Variants in SPAST observed in about 807,000 individuals in gnomAD.
SPAST encodes spastic paraplegia 4 (autosomal dominant; spastin).
A neutral mutation model predicts 76.6 loss-of-function variants in SPAST; 30 were observed. The ratio of observed to expected loss-of-function variants is 0.39; its 90% CI spans 0.29 to 0.53. The LOEUF is 0.53. SPAST is among the 20% of genes least tolerant of loss of function. The probability of loss-of-function intolerance (pLI) is 0.68; values close to 1 mark genes in which losing one functional copy is unlikely to be tolerated. For synonymous variants in SPAST, 305 were observed against 281.0 expected (o/e 1.09, Z -0.86); for missense variants, 717 against 770.5 (o/e 0.93, Z 0.82).
chr2:32,142,651 C>A (rs540506410), intron 13 of SPAST, among the ~76,000 whole-genome samples: 1 of 152,080 alleles, frequency 6.6e-6, no homozygotes, highest in Non-Finnish European at 1.5e-5. Flanking sequence ...CCTCCTCAGC[C>A]TCCCAAAGTG....
intron 4 of SPAST, among the ~76,000 whole-genome samples, chr2:32,110,847 GTA>G (rs1365624689): frequency 8.2e-5 from 4 of 48,750 alleles, no homozygotes; most frequent in Admixed American, 2.1e-4. Flanking sequence ...ATACTATATA[GTA>G]TATAGAGTAT....
intron 7 of SPAST, among the ~76,000 whole-genome samples, chr2:32,123,773 A>G (rs916654877): frequency 6.6e-6 from 1 of 152,220 alleles, no homozygotes; most frequent in African/African-American, 2.4e-5. Context: ...TCAGTGGAGA[A>G]AAGATAGCCT....
intron 8 of SPAST, chr2:32,127,389 A>T: frequency 3.7e-6 from 1 of 271,620 alleles, no homozygotes; most frequent in South Asian, 4.2e-5. Flanking sequence ...AAGTGATGGG[A>T]TTACAGGCAT....
intron 1 of SPAST, among the ~76,000 whole-genome samples, chr2:32,082,005 CTTTTT>C (rs35493322): frequency 1.4e-5 from 1 of 71,210 alleles, no homozygotes; most frequent in African/African-American, 5.3e-5. Context: ...AGTTCTCTCT[CTTTTT>C]TTTTTTTTTT....
chr2:32,119,432 T>C (rs1048282706), intron 7 of SPAST, among the ~76,000 whole-genome samples: 1 of 152,192 alleles, frequency 6.6e-6, no homozygotes, highest in Admixed American at 6.5e-5. Context: ...TATACTGGAA[T>C]TTTTATTTCA....
At chr2:32,106,437 C>T (rs188089019) in intron 4 of SPAST, among the ~76,000 whole-genome samples, 1 of 152,318 alleles carries the variant, frequency 6.6e-6, no homozygotes, top group East Asian at 1.9e-4. Flanking sequence ...CGCCCTTCAG[C>T]TCACACTATG....
At chr2:32,133,680 A>G (rs1210367192) in intron 9 of SPAST, among the ~76,000 whole-genome samples, 1 of 151,980 alleles carries the variant, frequency 6.6e-6, no homozygotes, top group Non-Finnish European at 1.5e-5. Flanking sequence ...GAACATTCAC[A>G]TAGTTCTTAC....
At position 32,071,887 on chromosome 2, in the gene SPAST, CTTAAG is replaced by C. The variant is rs760348853; in HGVS notation, c.415+7646_415+7650del. ...ATGAGACTTTAAAAGGTGGCAGACT[CTTAAG>C]TTAATTTTCTCCTGGTTCAGGTAAA... On this transcript the variant is annotated intron_variant, in intron 1 of 16. Coordinates refer to ENST00000315285, the MANE Select transcript of SPAST (RefSeq NM_014946.4). 1.8e-4 allele frequency among the ~76,000 whole-genome samples: 27 copies of C among 152,184 alleles called. No individual in the cohort carries two copies. The South Asian group carries it at 4.8e-3, about 27-fold the overall frequency.
chr2:32,153,318 A>ATTT (rs148901250), intron 16 of SPAST, among the ~76,000 whole-genome samples: 1 of 79,252 alleles, frequency 1.3e-5, no homozygotes, highest in African/African-American at 4.9e-5. Flanking sequence ...TTTTGCCTTA[A>ATTT]TTTTTTTTTT....
chr2:32,142,486 C>G (rs966363746), intron 13 of SPAST, among the ~76,000 whole-genome samples: 2 of 152,120 alleles, frequency 1.3e-5, no homozygotes, highest in African/African-American at 2.4e-5. Flanking sequence ...GTGATCTCGG[C>G]TCACTGCAAC....
rs1301938513 is a variant in SPAST at position 32,143,351 on chromosome 2, C to G, written c.1552C>G (p.Leu518Val). The change falls in exon 14 of 17, where the codon CTT (leucine) becomes GTT (valine). Residue 518 changes from leucine (L) to valine (V), a missense_variant. Transcript: ENST00000315285. ...LPNEETRLLL[L>V]KNLLCKQGSP... ...TATTTTTCAGACAAGACTACTTTTG[C>G]TTAAAAATCTGTTATGTAAACAAGG... The G allele has an allele frequency of 1.3e-6, 2 of 1,592,760 alleles. No homozygotes were observed. The highest frequency in any genetic ancestry group is 1.7e-6 in the Non-Finnish European group (2 of 1,161,630).
chr2:32,137,909 A>G (rs961597618), intron 12 of SPAST, among the ~76,000 whole-genome samples: 2 of 152,108 alleles, frequency 1.3e-5, no homozygotes, highest in African/African-American at 4.8e-5. Context: ...AACATGAGCT[A>G]TTTGGTTTAC....
intron 16 of SPAST, 37 bp from the exon 17 acceptor site, chr2:32,154,337 G>T: frequency 6.3e-7 from 1 of 1,588,374 alleles, no homozygotes; most frequent in South Asian, 1.1e-5. Context: ...TATACCTGTT[G>T]ATCATTTGTA....
chr2:32,112,702 A>T (rs1678662630), intron 4 of SPAST, among the ~76,000 whole-genome samples: 1 of 151,772 alleles, frequency 6.6e-6, no homozygotes, highest in Non-Finnish European at 1.5e-5. Context: ...TCCTGATTTT[A>T]TAATAGTTAA....
intron 9 of SPAST, among the ~76,000 whole-genome samples, chr2:32,133,523 C>G (rs1024286652): frequency 1.3e-5 from 2 of 152,112 alleles, no homozygotes; most frequent in Non-Finnish European, 2.9e-5. Context: ...GTGTATTTGG[C>G]TTCTTTCATC....
intron 6 of SPAST, 113 bp downstream of exon 6, chr2:32,115,948 A>C: frequency 3.0e-6 from 3 of 984,828 alleles, no homozygotes; most frequent in Non-Finnish European, 4.6e-6. Flanking sequence ...TTACATACTT[A>C]ATTTTTATGA....
intron 1 of SPAST, among the ~76,000 whole-genome samples, chr2:32,068,809 G>A (rs1331184303): frequency 4.0e-5 from 6 of 151,520 alleles, no homozygotes; most frequent in African/African-American, 1.2e-4. Flanking sequence ...CAGGAGAATC[G>A]CTTGAACCCA....
chr2:32,144,069 C>T (rs1420897082), intron 14 of SPAST, among the ~76,000 whole-genome samples: 2 of 152,218 alleles, frequency 1.3e-5, no homozygotes, highest in East Asian at 1.9e-4. Context: ...GAGATGCGCT[C>T]ATGAATTTTA....
At chr2:32,077,532 C>T (rs987143259) in intron 1 of SPAST, among the ~76,000 whole-genome samples, 2 of 152,134 alleles carry the variant, frequency 1.3e-5, no homozygotes, top group African/African-American at 4.8e-5. Context: ...AAAAGAAATA[C>T]TTGCTTTTCA....
Sources: gnomAD v4.1 joint callset for allele counts (sites outside exome capture counted in the v4.1 genomes callset) on GRCh38, gnomAD v4.1.1 for gene constraint, MANE v1.5 for transcripts, NCBI Gene and HGNC (gene_info 2026-07-23, HGNC 2026-07-21) for gene names.